The following SLC2A13 variants were observed in gnomAD, a reference collection of about 807,000 sequenced individuals.
SLC2A13 encodes the protein solute carrier family 2 member 13, also known as proton myo-inositol cotransporter.
Under a neutral mutation model 64.4 loss-of-function variants are expected in SLC2A13, and 32 were observed. That is an observed-to-expected ratio of 0.50 (90% CI 0.37 to 0.67). The LOEUF is 0.67. SLC2A13 is among the 30% of genes least tolerant of loss of function. SLC2A13 has a pLI of 0.00. For missense variants in SLC2A13, 743 were observed against 829.2 expected, an observed-to-expected ratio of 0.90 and a Z score of 1.28; for synonymous variants, 338 against 327.1, an observed-to-expected ratio of 1.03 and a Z score of -0.36.
At chr12:39,877,298 C>T (rs987058055) in intron 4 of SLC2A13, among the ~76,000 whole-genome samples, 3 of 152,130 alleles carry the variant, frequency 2.0e-5, no homozygotes, top group South Asian at 2.1e-4. Context: ...GTATGTCTTA[C>T]ACGGTGGCAG....
At chr12:39,894,217 T>G (rs1463676859) in intron 4 of SLC2A13, among the ~76,000 whole-genome samples, 1 of 152,244 alleles carries the variant, frequency 6.6e-6, no homozygotes, top group Non-Finnish European at 1.5e-5. Flanking sequence ...GTCTTCAAGT[T>G]GTCCTTAGTA....
At chr12:39,960,820 T>A (rs1038728227) in intron 3 of SLC2A13, among the ~76,000 whole-genome samples, 2 of 145,868 alleles carry the variant, frequency 1.4e-5, no homozygotes, top group Admixed American at 1.4e-4. Flanking sequence ...TGATTTTGGC[T>A]CACTGCAACC....
At chr12:39,930,185 T>C (rs977964486) in intron 4 of SLC2A13, among the ~76,000 whole-genome samples, 6 of 148,450 alleles carry the variant, frequency 4.0e-5, no homozygotes, top group African/African-American at 7.5e-5. Flanking sequence ...CTTACTACTA[T>C]AGGAGAGAGA....
intron 4 of SLC2A13, among the ~76,000 whole-genome samples, chr12:39,947,299 G>T (rs1946151978): frequency 1.3e-5 from 2 of 152,074 alleles, no homozygotes; most frequent in Non-Finnish European, 2.9e-5. Context: ...CTGTTTTTCT[G>T]TGTAACCTTA....
At chr12:40,053,829 C>T (rs534178307) in intron 1 of SLC2A13, among the ~76,000 whole-genome samples, 3 of 152,288 alleles carry the variant, frequency 2.0e-5, no homozygotes, top group Non-Finnish European at 2.9e-5. Flanking sequence ...AACAACTCAC[C>T]TTGCTGTTAA....
At chr12:40,077,694 T>C (rs932137264) in intron 1 of SLC2A13, among the ~76,000 whole-genome samples, 2 of 152,096 alleles carry the variant, frequency 1.3e-5, no homozygotes, top group African/African-American at 4.8e-5. Context: ...TGAAAAATGA[T>C]ATAGGTAGTT....
intron 7 of SLC2A13, among the ~76,000 whole-genome samples, chr12:39,807,215 G>A (rs1366997779): frequency 6.6e-6 from 1 of 152,178 alleles, no homozygotes; most frequent in Non-Finnish European, 1.5e-5. Context: ...GTAGGATGTG[G>A]GGAGTGGAGT....
intron 9 of SLC2A13, among the ~76,000 whole-genome samples, chr12:39,761,295 A>G (rs1940137882): frequency 6.6e-6 from 1 of 151,996 alleles, no homozygotes; most frequent in Non-Finnish European, 1.5e-5. Flanking sequence ...GCAGTTTATG[A>G]TTCTGTAAAT....
intron 7 of SLC2A13, among the ~76,000 whole-genome samples, chr12:39,822,228 C>T (rs999082531): frequency 1.3e-5 from 2 of 151,968 alleles, no homozygotes; most frequent in African/African-American, 4.8e-5. Flanking sequence ...GATAACGTTT[C>T]CTGCCCAAGT....
intron 7 of SLC2A13, among the ~76,000 whole-genome samples, chr12:39,809,680 T>C (rs529384498): frequency 8.2e-4 from 124 of 152,138 alleles, no homozygotes; most frequent in African/African-American, 2.8e-3. Context: ...CAACAGTCTC[T>C]GGTGTGTGAT....
intron 1 of SLC2A13, among the ~76,000 whole-genome samples, chr12:40,064,432 C>G (rs1013025033): frequency 6.6e-6 from 1 of 151,690 alleles, no homozygotes; most frequent in Non-Finnish European, 1.5e-5. Context: ...AATAAAAATA[C>G]CTAATATGGA....
chr12:39,799,898 C>T (rs1000621558), intron 7 of SLC2A13, among the ~76,000 whole-genome samples: 2 of 152,196 alleles, frequency 1.3e-5, no homozygotes, highest in African/African-American at 4.8e-5. Flanking sequence ...ATCAAATTTA[C>T]AACAGAATAA....
intron 3 of SLC2A13, among the ~76,000 whole-genome samples, chr12:39,998,628 C>G (rs1255148534): frequency 6.6e-6 from 1 of 152,228 alleles, no homozygotes. Context: ...AATGCCTGTA[C>G]ACCCATTGTA....
chr12:39,826,548 G>T (rs4357761), intron 7 of SLC2A13, among the ~76,000 whole-genome samples: 93,008 of 148,774 alleles, frequency 0.63, 29,592 homozygotes, highest in African/African-American at 0.76. Context: ...TCTTATACTT[G>T]TAACATCTAT....
intron 4 of SLC2A13, among the ~76,000 whole-genome samples, chr12:39,886,910 A>T (rs1234369507): frequency 1.3e-5 from 2 of 152,192 alleles, no homozygotes; most frequent in Admixed American, 6.5e-5. Context: ...TAGTGTCCAG[A>T]TGTGTTTTGC....
intron 7 of SLC2A13, among the ~76,000 whole-genome samples, chr12:39,828,438 G>C (rs986205105): frequency 6.6e-6 from 1 of 152,046 alleles, no homozygotes; most frequent in South Asian, 2.1e-4. Flanking sequence ...GTGAGTTGTT[G>C]AATTAATTTT....
chr12:39,938,270 T>C (rs1945952003), intron 4 of SLC2A13, among the ~76,000 whole-genome samples: 1 of 152,190 alleles, frequency 6.6e-6, no homozygotes, highest in Admixed American at 6.5e-5. Flanking sequence ...GAAGTTATTA[T>C]GTAGCTTGTG....
intron 2 of SLC2A13, among the ~76,000 whole-genome samples, chr12:40,043,955 T>C (rs1326339051): frequency 6.6e-6 from 1 of 152,156 alleles, no homozygotes; most frequent in East Asian, 1.9e-4. Context: ...AAAACCTAAA[T>C]ACAGTTATCA....
intron 1 of SLC2A13, among the ~76,000 whole-genome samples, chr12:40,063,291 A>T (rs1232662702): frequency 1.3e-5 from 2 of 152,144 alleles, no homozygotes; most frequent in East Asian, 3.8e-4. Context: ...GGATAGACAG[A>T]AAAACCAGTT....
Sources: gnomAD v4.1 joint callset for allele counts (sites outside exome capture counted in the v4.1 genomes callset) on GRCh38, gnomAD v4.1.1 for gene constraint, MANE v1.5 for transcripts, NCBI Gene and HGNC (gene_info 2026-07-23, HGNC 2026-07-21) for gene names.